Variants in EPB41L4A observed in about 807,000 individuals in gnomAD.
EPB41L4A encodes the protein band 4.1-like protein 4A.
Under a neutral mutation model 108.6 loss-of-function variants are expected in EPB41L4A, and 100 were observed. That is an observed-to-expected ratio of 0.92 (90% CI 0.78 to 1.09). The LOEUF (loss-of-function observed/expected upper bound fraction) is 1.09, where lower values mean the gene tolerates loss of function less well. EPB41L4A is among the 50% of genes least tolerant of loss of function. The pLI is 0.00. For missense variants in EPB41L4A, 1,030 were observed against 842.7 expected (o/e 1.22, Z -2.75); for synonymous variants, 319 against 289.0 (o/e 1.10, Z -1.05).
intron 2 of EPB41L4A, among the ~76,000 whole-genome samples, chr5:112,290,394 G>C (rs1753569065): frequency 6.6e-6 from 1 of 152,058 alleles, no homozygotes; most frequent in African/African-American, 2.4e-5. Context: ...CATCTAATAG[G>C]CTGTTTCAAA....
intron 2 of EPB41L4A, among the ~76,000 whole-genome samples, chr5:112,286,136 C>G (rs1327109008): frequency 6.6e-6 from 1 of 152,134 alleles, no homozygotes; most frequent in African/African-American, 2.4e-5. Context: ...GACCCTACTA[C>G]CTTTTCATTG....
At chr5:112,262,666 T>C (rs915232991) in intron 6 of EPB41L4A, 85 bp from the exon 7 acceptor site, 7 of 1,106,710 alleles carry the variant, frequency 6.3e-6, no homozygotes, top group Middle Eastern at 2.0e-4. Flanking sequence ...TTGTATTCAA[T>C]GGGAAAACAA....
intron 1 of EPB41L4A, among the ~76,000 whole-genome samples, chr5:112,417,101 A>C (rs1346794958): frequency 6.6e-6 from 1 of 152,232 alleles, no homozygotes; most frequent in Non-Finnish European, 1.5e-5. Context: ...GCCCATATCC[A>C]AAGTAACAGT....
At chr5:112,370,593 T>C (rs1417268188) in intron 1 of EPB41L4A, among the ~76,000 whole-genome samples, 1 of 152,170 alleles carries the variant, frequency 6.6e-6, no homozygotes, top group African/African-American at 2.4e-5. Flanking sequence ...AAAAGTTCGA[T>C]TTTCCAGTTA....
At chr5:112,289,995 G>A (rs1043499643) in intron 2 of EPB41L4A, among the ~76,000 whole-genome samples, 3 of 152,174 alleles carry the variant, frequency 2.0e-5, no homozygotes, top group Non-Finnish European at 4.4e-5. Context: ...CTGTGAATGT[G>A]ATGTGCATGC....
intron 14 of EPB41L4A, 78 bp downstream of exon 14, chr5:112,205,343 G>A (rs1045769203): frequency 8.2e-7 from 1 of 1,214,162 alleles, no homozygotes; most frequent in Non-Finnish European, 1.2e-6. Context: ...CCCAGCAGCT[G>A]GATTCCTTTA....
intron 1 of EPB41L4A, among the ~76,000 whole-genome samples, chr5:112,398,616 T>C (rs1292048917): frequency 2.0e-5 from 3 of 152,160 alleles, no homozygotes; most frequent in Non-Finnish European, 1.5e-5. Context: ...CTCAAACTCC[T>C]GAGCTCAAGT....
intron 2 of EPB41L4A, among the ~76,000 whole-genome samples, chr5:112,295,067 C>A (rs1016675913): frequency 6.6e-6 from 1 of 152,198 alleles, no homozygotes; most frequent in African/African-American, 2.4e-5. Context: ...GAGACTGATT[C>A]TAGAGAGGTG....
At chr5:112,415,833 T>C (rs962220859) in intron 1 of EPB41L4A, among the ~76,000 whole-genome samples, 5 of 152,122 alleles carry the variant, frequency 3.3e-5, no homozygotes, top group Non-Finnish European at 5.9e-5. Context: ...AGTTTTTAAA[T>C]CTCGGATAAG....
intron 1 of EPB41L4A, among the ~76,000 whole-genome samples, chr5:112,348,855 C>G (rs760710260): frequency 6.6e-6 from 1 of 152,204 alleles, no homozygotes; most frequent in South Asian, 2.1e-4. Context: ...ACTGTTACTA[C>G]GCACAATGTT....
intron 1 of EPB41L4A, among the ~76,000 whole-genome samples, chr5:112,316,213 G>A (rs576232375): frequency 3.9e-5 from 6 of 152,214 alleles, no homozygotes; most frequent in South Asian, 2.1e-4. Context: ...AAACCAGAAA[G>A]GCAGGTTCCT....
At chr5:112,271,034 C>G (rs541255347) in intron 4 of EPB41L4A, among the ~76,000 whole-genome samples, 3 of 152,258 alleles carry the variant, frequency 2.0e-5, no homozygotes, top group African/African-American at 7.2e-5. Flanking sequence ...CTGACAGATT[C>G]TCTCTTCGGG....
intron 2 of EPB41L4A, among the ~76,000 whole-genome samples, chr5:112,297,426 T>A (rs567520183): frequency 6.6e-6 from 1 of 152,156 alleles, no homozygotes; most frequent in African/African-American, 2.4e-5. Flanking sequence ...TTTGTTACCA[T>A]TTGTATATCT....
intron 1 of EPB41L4A, among the ~76,000 whole-genome samples, chr5:112,367,824 TGGCTGAACAAACTGAACTCAGTACCC>T (rs1212526094): frequency 0.012 from 1,808 of 152,310 alleles, 28 homozygotes; most frequent in African/African-American, 0.042. Flanking sequence ...CCTCAGTACC[TGGCTGAACAAACTGAACTCAGTACCC>T]GGCTGAACAA....
chr5:112,314,505 T>TAAAAAAAAAAA (rs552428109), intron 1 of EPB41L4A, among the ~76,000 whole-genome samples: 88 of 55,194 alleles, frequency 1.6e-3, no homozygotes, highest in Non-Finnish European at 1.8e-3. Context: ...CCATCGCTAC[T>TAAAAAAAAAAA]AAAAAAAAAA....
chr5:112,209,699 A>G (rs891750116), intron 13 of EPB41L4A, among the ~76,000 whole-genome samples, 193 bp downstream of exon 13: 10 of 152,368 alleles, frequency 6.6e-5, no homozygotes, highest in African/African-American at 2.4e-4. Flanking sequence ...TCTTCAAATA[A>G]GAGAGTCAGG....
intron 12 of EPB41L4A, among the ~76,000 whole-genome samples, chr5:112,147,557 G>A (rs1425187969): frequency 8.0e-5 from 12 of 150,548 alleles, no homozygotes; most frequent in Admixed American, 3.3e-4. Flanking sequence ...GTAGAATCAC[G>A]AACCCGGGAG....
intron 17 of EPB41L4A, among the ~76,000 whole-genome samples, chr5:112,187,230 C>A (rs1457633960): frequency 6.6e-6 from 1 of 152,148 alleles, no homozygotes; most frequent in Non-Finnish European, 1.5e-5. Flanking sequence ...AGGTGAACCT[C>A]AATAAACTAA....
chr5:112,145,972 C>G (rs974989633), exon 13 of EPB41L4A: 1 of 456,568 alleles, frequency 2.2e-6, no homozygotes, highest in Non-Finnish European at 4.4e-6. Flanking sequence ...GTTCTCTGCC[C>G]TTTCTAGGTC....
Sources: gnomAD v4.1 joint callset for allele counts (sites outside exome capture counted in the v4.1 genomes callset) on GRCh38, gnomAD v4.1.1 for gene constraint, MANE v1.5 for transcripts, NCBI Gene and HGNC (gene_info 2026-07-23, HGNC 2026-07-21) for gene names.